The following EBF3 variants were observed in gnomAD, a reference collection of about 807,000 sequenced individuals.
The protein encoded by EBF3 is EBF transcription factor 3.
Under a neutral mutation model 77.1 loss-of-function variants are expected in EBF3, and 18 were observed. That is an observed-to-expected ratio of 0.23 (90% CI 0.16 to 0.35). The LOEUF (loss-of-function observed/expected upper bound fraction) is 0.35. Among genes scored for constraint, EBF3 ranks in the 10% least tolerant of loss-of-function variants. The pLI, the probability that EBF3 is intolerant of heterozygous loss-of-function variation, is 1.00. For synonymous variants in EBF3, 350 were observed against 343.5 expected (o/e 1.02, Z -0.21); for missense variants, 558 against 860.0 (o/e 0.65, Z 4.39).
chr10:129,956,092 G>A (rs926676595), intron 6 of EBF3, among the ~76,000 whole-genome samples: 1 of 152,180 alleles, frequency 6.6e-6, no homozygotes, highest in Non-Finnish European at 1.5e-5. Context: ...TAAGAGAGCT[G>A]TCCCTTCTGT....
chr10:129,956,878 T>C (rs1247860394), intron 6 of EBF3, among the ~76,000 whole-genome samples: 1 of 152,210 alleles, frequency 6.6e-6, no homozygotes, highest in Non-Finnish European at 1.5e-5. Flanking sequence ...AAGTCTCAAC[T>C]TCAACTATCA....
intron 11 of EBF3, among the ~76,000 whole-genome samples, chr10:129,844,773 A>AATT (rs1251638073): frequency 2.6e-5 from 4 of 152,148 alleles, no homozygotes; most frequent in Non-Finnish European, 5.9e-5. Context: ...ACAAATAAAG[A>AATT]ATTAGACTTG....
intron 7 of EBF3, among the ~76,000 whole-genome samples, chr10:129,876,885 A>ACCGCCCCCCCCCC (rs1852811725): frequency 4.7e-5 from 2 of 42,368 alleles, no homozygotes; most frequent in African/African-American, 8.2e-5. Context: ...TCATCCCTGA[A>ACCGCCCCCCCCCC]CCCCCCCCCC....
chr10:129,938,741 C>T lies in EBF3; in HGVS notation c.554+18517G>A, dbSNP rs565897537. Among the ~76,000 whole-genome samples, 1 of 152,216 alleles carries T rather than the reference C, an allele frequency of 6.6e-6. No homozygotes were observed. Among genetic ancestry groups the T allele is most frequent in the Non-Finnish European group, 1.5e-5 (1 of 68,008 alleles). On this transcript the variant is annotated intron_variant, in intron 6 of 16. Transcript: ENST00000440978. This position sits in a 1 kb window ranked among gnomAD's most constrained non-coding sequence, Gnocchi z 5.1. The stretch of plus-strand genomic sequence containing the variant: ...GTGTCCTGGGACCTGGCCTGTGCTC[C>T]AAGCAAGTCAAGGCCATTGAGTCAA...
intron 6 of EBF3, among the ~76,000 whole-genome samples, chr10:129,929,918 G>A (rs562946746): frequency 1.6e-4 from 25 of 152,198 alleles, no homozygotes; most frequent in Non-Finnish European, 2.8e-4. Context: ...GTTTCCAGAG[G>A]AGCTTGGGGT....
chr10:129,854,240 CT>C (rs1233985300), intron 10 of EBF3, among the ~76,000 whole-genome samples: 1 of 152,048 alleles, frequency 6.6e-6, no homozygotes. Flanking sequence ...AATTCAGATG[CT>C]CGGGAAATTA....
At chr10:129,906,281 C>A (rs1231495612) in intron 6 of EBF3, among the ~76,000 whole-genome samples, 1 of 152,316 alleles carries the variant, frequency 6.6e-6, no homozygotes, top group East Asian at 1.9e-4. Context: ...GAAGAGCTCT[C>A]TTTCAATAAT....
At chr10:129,933,238 G>T (rs72837178) in intron 6 of EBF3, among the ~76,000 whole-genome samples, 7,536 of 152,278 alleles carry the variant, frequency 0.049, 266 homozygotes, top group African/African-American at 0.096. Flanking sequence ...GCACCAAGTA[G>T]ATCCACAAAC....
rs538107277 is a variant in EBF3, at chr10:129,885,960, A to T, written c.555-8111T>A. Reference sequence around the variant, plus strand: ...AGATCACGGGAATGCTTCTTTCGCCATCCTGATTCCTGATGGCTGGGGAGG... The same window carrying T: ...AGATCACGGGAATGCTTCTTTCGCCTTCCTGATTCCTGATGGCTGGGGAGG... On this transcript the variant is annotated intron_variant, in intron 6 of 16. Transcript: ENST00000440978. The surrounding 1 kb of genome is among the most constrained non-coding windows in gnomAD (Gnocchi z 4.0). Among the ~76,000 whole-genome samples the T allele has an allele frequency of 7.9e-5, 12 of 151,932 alleles. 1 individual carries two copies. In the South Asian group the frequency reaches 2.5e-3, roughly 32 times the overall value.
At chr10:129,891,170 T>G (rs559153022) in intron 6 of EBF3, among the ~76,000 whole-genome samples, 113 of 152,302 alleles carry the variant, frequency 7.4e-4, no homozygotes, top group African/African-American at 2.6e-3. Context: ...ACTATAAAAT[T>G]TAGTCACAGT....
intron 6 of EBF3, among the ~76,000 whole-genome samples, chr10:129,909,998 C>T (rs113536204): frequency 7.9e-5 from 12 of 152,332 alleles, no homozygotes; most frequent in Admixed American, 3.3e-4. Flanking sequence ...CTCTGCTCAG[C>T]GCCGATGACA....
At chr10:129,924,850 G>A (rs1287491611) in intron 6 of EBF3, among the ~76,000 whole-genome samples, 5 of 152,036 alleles carry the variant, frequency 3.3e-5, no homozygotes, top group Admixed American at 6.6e-5. Flanking sequence ...AAAAAAATTT[G>A]TGAAGATGGA....
intron 10 of EBF3, among the ~76,000 whole-genome samples, chr10:129,851,793 C>T (rs970076646): frequency 2.6e-5 from 4 of 152,180 alleles, no homozygotes; most frequent in Non-Finnish European, 4.4e-5. Context: ...AAACAAATCT[C>T]CCCTGTGAAA....
rs373301366 is a variant in EBF3 at position 129,840,315 on chromosome 10, G to A, written c.1689C>T (p.Phe563=). 1.1e-5 allele frequency: 17 copies of A among 1,590,646 alleles called. No individual in the cohort carries two copies. Among genetic ancestry groups the A allele is most frequent in the Admixed American group, 7.1e-5 (4 of 56,496 alleles). ...VISAVKQKSA[F]APVVRPQASP... Reference sequence around the variant, plus strand: ...AGGCTTGGGGCCGGACCACGGGCGCGAAGGCGCTCTTCTGTTTCACTGCGG... The same window carrying A: ...AGGCTTGGGGCCGGACCACGGGCGCAAAGGCGCTCTTCTGTTTCACTGCGG... Residue 563 remains phenylalanine, a synonymous_variant, in exon 15 of 17, where the codon TTC becomes TTT. Transcript: ENST00000440978.
At chr10:129,946,779 G>A (rs1242086170) in intron 6 of EBF3, among the ~76,000 whole-genome samples, 2 of 152,216 alleles carry the variant, frequency 1.3e-5, no homozygotes, top group African/African-American at 4.8e-5. Flanking sequence ...TGCACCTCTG[G>A]ATGGGGAACC....
At chr10:129,922,591 A>G (rs994275939) in intron 6 of EBF3, among the ~76,000 whole-genome samples, 1 of 152,058 alleles carries the variant, frequency 6.6e-6, no homozygotes, top group Non-Finnish European at 1.5e-5. Flanking sequence ...CGTGCACCAC[A>G]CTCTGCTCTC....
chr10:129,923,520 T>C (rs1394398605), intron 6 of EBF3, among the ~76,000 whole-genome samples: 1 of 152,208 alleles, frequency 6.6e-6, no homozygotes, highest in African/African-American at 2.4e-5. Flanking sequence ...ACAAAGGTGC[T>C]AAGGCCACTG....
At chr10:129,916,059 C>A (rs1013661179) in intron 6 of EBF3, among the ~76,000 whole-genome samples, 1 of 152,194 alleles carries the variant, frequency 6.6e-6, no homozygotes, top group South Asian at 2.1e-4. Context: ...ACAGGGGCTC[C>A]GAGGGGGAAG....
Position 129,841,437 on chromosome 10 carries a change from G to T in EBF3, c.1373-405C>A, listed in dbSNP as rs1850045424. Among the ~76,000 whole-genome samples, 1 of 152,186 alleles carries T rather than the reference G, an allele frequency of 6.6e-6. No individual in the cohort carries two copies. The highest frequency in any genetic ancestry group is 2.1e-4 in the South Asian group (1 of 4,830). ...TGGCCGTAACTTCCCCTGAAAGGCT[G>T]TTTGGGGGTCTTCATTTGTATGGTT... On this transcript the variant is annotated intron_variant, in intron 13 of 16. Coordinates refer to ENST00000440978, the MANE Select transcript of EBF3 (RefSeq NM_001375380.1). This position sits in a 1 kb window ranked among gnomAD's most constrained non-coding sequence, Gnocchi z 4.6.
Sources: gnomAD v4.1 joint callset for allele counts (sites outside exome capture counted in the v4.1 genomes callset) on GRCh38, gnomAD v4.1.1 for gene constraint, Gnocchi (gnomAD v3.1) non-coding constraint, MANE v1.5 for transcripts, NCBI Gene and HGNC (gene_info 2026-07-23, HGNC 2026-07-21) for gene names.